Variants in ULK4 observed in about 807,000 individuals in gnomAD.
The protein encoded by ULK4 is inactive serine/threonine-protein kinase ULK4.
Under a neutral mutation model 160.6 loss-of-function variants are expected in ULK4, and 133 were observed. The ratio of observed to expected loss-of-function variants is 0.83; its 90% confidence interval spans 0.72 to 0.96. The LOEUF (loss-of-function observed/expected upper bound fraction) is 0.96, where lower values mean the gene tolerates loss of function less well. ULK4 is among the 40% of genes least tolerant of loss of function. The pLI is 0.00. For missense variants in ULK4, 1,580 were observed against 1,499.5 expected, an observed-to-expected ratio of 1.05 and a Z score of -0.89; for synonymous variants, 534 against 539.8, an observed-to-expected ratio of 0.99 and a Z score of 0.15.
At chr3:41,816,699 C>T (rs2040974472) in intron 19 of ULK4, among the ~76,000 whole-genome samples, 1 of 152,096 alleles carries the variant, frequency 6.6e-6, no homozygotes. Context: ...GTAGTCCCAG[C>T]TACTTGGGAG....
intron 1 of ULK4, among the ~76,000 whole-genome samples, chr3:41,959,399 C>T (rs531587449): frequency 4.1e-4 from 61 of 149,150 alleles, no homozygotes; most frequent in African/African-American, 1.4e-3. Context: ...TGGTGGCGGG[C>T]GCCTGTAATC....
chr3:41,336,532 T>C (rs1307285589), intron 35 of ULK4, among the ~76,000 whole-genome samples: 1 of 152,208 alleles, frequency 6.6e-6, no homozygotes, highest in Non-Finnish European at 1.5e-5. Flanking sequence ...ACACATGCCT[T>C]ATGGCGTAAG....
At chr3:41,754,151 C>T (rs2038718009) in intron 22 of ULK4, among the ~76,000 whole-genome samples, 1 of 152,098 alleles carries the variant, frequency 6.6e-6, no homozygotes, top group African/African-American at 2.4e-5. Context: ...ATCAAGGGCA[C>T]ACCAGGGATT....
chr3:41,642,061 A>T (rs9861383), intron 30 of ULK4, among the ~76,000 whole-genome samples: 17,049 of 151,538 alleles, frequency 0.11, 1,091 homozygotes, highest in African/African-American at 0.16. Context: ...TTCAGTAGAG[A>T]CGAGGTTTCT....
intron 22 of ULK4, among the ~76,000 whole-genome samples, chr3:41,749,580 T>C (rs574223465): frequency 3.9e-5 from 6 of 152,332 alleles, no homozygotes; most frequent in Admixed American, 3.9e-4. Flanking sequence ...GGCTAAGCTA[T>C]GATGTTCAGT....
intron 31 of ULK4, among the ~76,000 whole-genome samples, chr3:41,587,841 A>G (rs927025198): frequency 6.6e-6 from 1 of 152,358 alleles, no homozygotes; most frequent in South Asian, 2.1e-4. Context: ...TCGGTTAATT[A>G]GCACTTATAA....
chr3:41,921,759 G>A (rs1699192908), intron 5 of ULK4, among the ~76,000 whole-genome samples: 1 of 152,212 alleles, frequency 6.6e-6, no homozygotes, highest in Admixed American at 6.5e-5. Context: ...AATGGTTTAT[G>A]CAAAAAATAT....
chr3:41,631,483 T>C (rs757388138), intron 30 of ULK4, among the ~76,000 whole-genome samples: 3 of 152,196 alleles, frequency 2.0e-5, no homozygotes, highest in Non-Finnish European at 4.4e-5. Context: ...ATATCTCTGA[T>C]TTAGGGAAAT....
At chr3:41,918,074 A>C (rs1699035943) in intron 7 of ULK4, among the ~76,000 whole-genome samples, 1 of 152,170 alleles carries the variant, frequency 6.6e-6, no homozygotes, top group Non-Finnish European at 1.5e-5. Flanking sequence ...CTGATTCATC[A>C]AGATAAGGAA....
intron 35 of ULK4, among the ~76,000 whole-genome samples, chr3:41,330,085 T>C (rs9839348): frequency 0.23 from 35,195 of 152,078 alleles, 4,225 homozygotes; most frequent in African/African-American, 0.25. Flanking sequence ...GATCTCACAA[T>C]CCTGCTGTCG....
intron 21 of ULK4, among the ~76,000 whole-genome samples, chr3:41,765,842 G>A (rs1002050725): frequency 5.9e-5 from 9 of 152,148 alleles, no homozygotes; most frequent in African/African-American, 2.2e-4. Context: ...TAAAAAGTAT[G>A]TATGAACAGT....
chr3:41,913,011 T>G, intron 8 of ULK4, 112 bp from the exon 9 acceptor site: 7 of 796,276 alleles, frequency 8.8e-6, no homozygotes, highest in South Asian at 1.8e-5. Context: ...CATGTACCTT[T>G]GAAATCATTT....
rs117494100 is a variant in ULK4 at position 41,426,460 on chromosome 3, G to A, written c.3493-28196C>T. On this transcript the variant is annotated intron_variant, in intron 34 of 36. Transcript: ENST00000301831. Reference sequence around the variant, plus strand: ...ACAGAACTCTCCCGGACAAACAACAGAATATATAATCTTCTTGGTGCCAAA... The same window carrying A: ...ACAGAACTCTCCCGGACAAACAACAAAATATATAATCTTCTTGGTGCCAAA... Among the ~76,000 whole-genome samples, 140 of 152,244 alleles carry A rather than the reference G, an allele frequency of 9.2e-4. No individual in the cohort carries two copies. In the East Asian group the frequency reaches 0.024, roughly 26 times the overall value.
chr3:41,472,432 G>A (rs907117378), intron 32 of ULK4, among the ~76,000 whole-genome samples: 3 of 152,014 alleles, frequency 2.0e-5, no homozygotes, highest in African/African-American at 7.2e-5. Context: ...AGCCAGGTGT[G>A]GTGGTGCATG....
At chr3:41,352,912 C>T (rs925135106) in intron 35 of ULK4, among the ~76,000 whole-genome samples, 1 of 152,170 alleles carries the variant, frequency 6.6e-6, no homozygotes, top group Non-Finnish European at 1.5e-5. Flanking sequence ...ATTTTTTAAT[C>T]TTAAGCAAAA....
intron 30 of ULK4, among the ~76,000 whole-genome samples, chr3:41,649,138 A>C (rs540002403): frequency 3.3e-5 from 5 of 152,212 alleles, no homozygotes; most frequent in Admixed American, 2.6e-4. Context: ...CAAAACAAAA[A>C]AAAAAAAGCC....
intron 2 of ULK4, among the ~76,000 whole-genome samples, chr3:41,940,195 G>A (rs1699907305): frequency 6.6e-6 from 1 of 151,984 alleles, no homozygotes; most frequent in Admixed American, 6.6e-5. Context: ...GAAGCGCCAG[G>A]CCCCTCATTC....
intron 21 of ULK4, among the ~76,000 whole-genome samples, chr3:41,775,831 C>T (rs558000726): frequency 4.0e-5 from 6 of 150,922 alleles, no homozygotes; most frequent in South Asian, 2.1e-4. Flanking sequence ...GAGATTTATC[C>T]ATGTTAATTC....
intron 19 of ULK4, among the ~76,000 whole-genome samples, chr3:41,801,120 C>A (rs537041334): frequency 1.3e-5 from 2 of 151,860 alleles, no homozygotes; most frequent in East Asian, 3.9e-4. Flanking sequence ...AAGAGGAAAG[C>A]AAAAACATAA....
Sources: gnomAD v4.1 joint callset for allele counts (sites outside exome capture counted in the v4.1 genomes callset) on GRCh38, gnomAD v4.1.1 for gene constraint, MANE v1.5 for transcripts, NCBI Gene and HGNC (gene_info 2026-07-23, HGNC 2026-07-21) for gene names.